Variants in BDP1 observed in about 807,000 individuals in gnomAD.
BDP1 encodes transcription factor TFIIIB component B'' homolog.
BDP1 carries 169 observed loss-of-function variants against 266.6 expected under a neutral mutation model. The ratio of observed to expected loss-of-function variants is 0.63; its 90% CI spans 0.56 to 0.72. The LOEUF is 0.72. Ranked by LOEUF, BDP1 falls within the 30% of genes least tolerant of loss-of-function variation. BDP1 has a pLI of 0.00. For missense variants in BDP1, 3,015 were observed against 3,053.8 expected, an observed-to-expected ratio of 0.99 and a Z score of 0.30; for synonymous variants, 1,090 against 1,022.4, an observed-to-expected ratio of 1.07 and a Z score of -1.26.
At chr5:71,497,140 G>A (rs1435191670) in intron 12 of BDP1, 130 bp from the exon 13 acceptor site, 10 of 725,820 alleles carry the variant, frequency 1.4e-5, no homozygotes, top group Non-Finnish European at 6.6e-6. Flanking sequence ...GTCTCTTTAA[G>A]TTTTCTTTGC....
chr5:71,510,166 C>T lies in BDP1; in HGVS notation c.3074C>T (p.Thr1025Ile). 6.2e-7 allele frequency: 1 copy of T among 1,613,814 alleles called. No individual in the cohort carries two copies. Among genetic ancestry groups the T allele is most frequent in the Non-Finnish European group, 8.5e-7 (1 of 1,179,958 alleles). ...TGRESSPREKTPEVIDATEEI... is the reference protein window; with the variant it reads ...TGRESSPREKIPEVIDATEEI... Reference sequence around the variant, plus strand: ...AGAGAGAGTTCTCCAAGGGAGAAGACACCAGAGGTGATTGATGCTACTGAG... The same window carrying T: ...AGAGAGAGTTCTCCAAGGGAGAAGATACCAGAGGTGATTGATGCTACTGAG... The change falls in exon 17 of 39, where the codon ACA becomes ATA. Residue 1025 changes from threonine to isoleucine, a missense_variant. Physicochemically the swap from Thr to Ile is moderately conservative, Grantham distance 89 (BLOSUM62 -1). This residue lies in a region of BDP1 where 2,383 missense variants were observed against 2,404.9 expected (regional missense o/e 0.99). Transcript: ENST00000358731.
chr5:71,467,492 C>T lies in BDP1; in HGVS notation c.919+5C>T. On this transcript the variant is annotated splice_donor_5th_base_variant and intron_variant, in intron 6 of 38. Coordinates refer to ENST00000358731, the MANE Select transcript of BDP1 (RefSeq NM_018429.3). The stretch of plus-strand genomic sequence containing the variant: ...CTAAACCATGGTCAAATAAAGGTAA[C>T]TAATTTTCATTTAAAAATGTGTAAG... The T allele has an allele frequency of 6.3e-7, 1 of 1,579,284 alleles. No individual in the cohort carries two copies. Among genetic ancestry groups the T allele is most frequent in the Non-Finnish European group, 8.6e-7 (1 of 1,158,826 alleles).
At chr5:71,509,379 G>T in intron 16 of BDP1, 86 bp from the exon 17 acceptor site, 1 of 1,400,752 alleles carries the variant, frequency 7.1e-7, no homozygotes, top group Non-Finnish European at 9.4e-7. Context: ...AGTTTCTGGT[G>T]TTTCTGTAGT....
chr5:71,555,736 C>T (rs906006529), intron 35 of BDP1, among the ~76,000 whole-genome samples: 3 of 152,276 alleles, frequency 2.0e-5, no homozygotes, highest in South Asian at 2.1e-4. Context: ...CCACCACGCC[C>T]GGCCGAATTT....
chr5:71,540,190 TTAC>T (rs1346121410), intron 28 of BDP1, among the ~76,000 whole-genome samples: 2 of 152,236 alleles, frequency 1.3e-5, no homozygotes, highest in African/African-American at 4.8e-5. Context: ...TGATAAATCT[TTAC>T]TATCTCAATA....
intron 10 of BDP1, among the ~76,000 whole-genome samples, chr5:71,490,033 C>G (rs1763494430): frequency 6.6e-6 from 1 of 152,152 alleles, no homozygotes; most frequent in African/African-American, 2.4e-5. Context: ...TACAGAGCAC[C>G]TCTGTGAACC....
downstream of BDP1, among the ~76,000 whole-genome samples, chr5:71,568,519 A>T (rs145699146): frequency 3.9e-5 from 6 of 152,190 alleles, no homozygotes; most frequent in African/African-American, 1.4e-4. Context: ...CCCAGGCTGG[A>T]GTGTGGTGGC....
chr5:71,547,977 T>C (rs942585777), intron 32 of BDP1, among the ~76,000 whole-genome samples: 2 of 151,598 alleles, frequency 1.3e-5, no homozygotes, highest in Non-Finnish European at 2.9e-5. Flanking sequence ...ATAAATAAAA[T>C]AATAAAAGAT....
At chr5:71,541,708 A>G (rs1356774769) in intron 29 of BDP1, 26 bp downstream of exon 29, 1 of 1,380,488 alleles carries the variant, frequency 7.2e-7, no homozygotes, top group African/African-American at 1.5e-5. Context: ...CAATTAATAA[A>G]TATTACTAAA....
intron 35 of BDP1, among the ~76,000 whole-genome samples, chr5:71,554,653 G>T (rs1467201868): frequency 6.6e-6 from 1 of 152,088 alleles, no homozygotes; most frequent in Non-Finnish European, 1.5e-5. Context: ...ACTATGATAC[G>T]CCATTTAAAA....
In BDP1 at chr5:71,564,926, A is replaced by G. The variant is rs1018493551; in HGVS notation, c.*41A>G. 3 of 1,541,734 alleles carry G rather than the reference A, an allele frequency of 1.9e-6. No homozygotes were observed. The highest frequency in any genetic ancestry group is 2.6e-6 in the Non-Finnish European group (3 of 1,141,712). On this transcript the variant is annotated 3_prime_UTR_variant, in exon 39 of 39. Transcript: ENST00000358731. Reference sequence around the variant, plus strand: ...TTTTCTTTTTTAAATTAGGTCTAGGATTTCCAGAGTCAATTACATCAACAA... The same window carrying G: ...TTTTCTTTTTTAAATTAGGTCTAGGGTTTCCAGAGTCAATTACATCAACAA...
At chr5:71,491,258 TA>T in intron 11 of BDP1, 127 bp downstream of exon 11, 1 of 872,610 alleles carries the variant, frequency 1.1e-6, no homozygotes, top group Non-Finnish European at 1.7e-6. Flanking sequence ...TTTTGCTCCA[TA>T]TATTTTGAAG....
chr5:71,531,219 C>T (rs538446493), intron 25 of BDP1, among the ~76,000 whole-genome samples: 85 of 152,122 alleles, frequency 5.6e-4, no homozygotes, highest in Admixed American at 9.2e-4. Flanking sequence ...ATCGCACCAC[C>T]GCAGCTGGGG....
At chr5:71,574,755 C>T in the BDP1 span, among the ~76,000 whole-genome samples, 1 of 152,202 alleles carries the variant, frequency 6.6e-6, no homozygotes, top group Non-Finnish European at 1.5e-5. Flanking sequence ...TCAATTATTG[C>T]TTATTCCCTG....
At chr5:71,458,943 A>T in intron 2 of BDP1, 88 bp downstream of exon 2, 1 of 1,294,968 alleles carries the variant, frequency 7.7e-7, no homozygotes, top group Non-Finnish European at 1.1e-6. Flanking sequence ...TAGCATTTTG[A>T]TGGGGGAACA....
At chr5:71,564,204 T>C (rs961390089) in intron 38 of BDP1, among the ~76,000 whole-genome samples, 2 of 152,176 alleles carry the variant, frequency 1.3e-5, no homozygotes, top group African/African-American at 2.4e-5. Flanking sequence ...TTCATTGATA[T>C]ATCTGTCATT....
intron 16 of BDP1, among the ~76,000 whole-genome samples, chr5:71,506,804 C>CA (rs1232029387): frequency 2.2e-5 from 3 of 137,750 alleles, no homozygotes; most frequent in African/African-American, 7.9e-5. Context: ...CACACACACA[C>CA]ACACACACAC....
At chr5:71,494,720 C>G (rs1763778843) in intron 11 of BDP1, 1 of 151,944 alleles carries the variant, frequency 6.6e-6, no homozygotes, top group Admixed American at 6.6e-5. Context: ...CATTTTGAAG[C>G]CTTTTCTTTT....
intron 31 of BDP1, among the ~76,000 whole-genome samples, chr5:71,544,724 C>T (rs1742133401): frequency 6.6e-6 from 1 of 151,368 alleles, no homozygotes; most frequent in Non-Finnish European, 1.5e-5. Context: ...CTAAAAAATA[C>T]AAAAAATTAG....
Sources: gnomAD v4.1 joint callset for allele counts (sites outside exome capture counted in the v4.1 genomes callset) on GRCh38, gnomAD v4.1.1 for gene constraint, gnomAD v4.1.1 regional missense constraint, MANE v1.5 for transcripts, NCBI Gene and HGNC (gene_info 2026-07-23, HGNC 2026-07-21) for gene names.